The following NF2 variants were observed in gnomAD, a reference collection of about 807,000 sequenced individuals.
The protein encoded by NF2 is NF2, moesin-ezrin-radixin like (MERLIN) tumor suppressor.
A neutral mutation model predicts 83.7 loss-of-function variants in NF2; 8 were observed. The ratio of observed to expected loss-of-function variants is 0.10; its 90% confidence interval spans 0.06 to 0.17. The LOEUF (loss-of-function observed/expected upper bound fraction) is 0.17, where lower values mean the gene tolerates loss of function less well. Among genes scored for constraint, NF2 ranks in the 10% least tolerant of loss-of-function variants. The pLI is 1.00. For missense variants in NF2, 533 were observed against 744.4 expected (o/e 0.72, Z 3.31); for synonymous variants, 266 against 269.6 (o/e 0.99, Z 0.13).
intron 1 of NF2, among the ~76,000 whole-genome samples, chr22:29,605,026 G>C (rs1280293891): frequency 6.6e-6 from 1 of 152,150 alleles, no homozygotes; most frequent in Non-Finnish European, 1.5e-5. Flanking sequence ...TGTCACCGAG[G>C]CTGGCATGCA....
intron 1 of NF2, among the ~76,000 whole-genome samples, chr22:29,607,496 A>C (rs1179585206): frequency 6.6e-6 from 1 of 152,220 alleles, no homozygotes; most frequent in African/African-American, 2.4e-5. Flanking sequence ...TCACTCAAAT[A>C]ATCCAGCCAG....
intron 1 of NF2, among the ~76,000 whole-genome samples, chr22:29,605,600 C>T (rs535324511): frequency 1.3e-5 from 2 of 152,232 alleles, no homozygotes; most frequent in East Asian, 1.9e-4. Context: ...GCAGCCACCA[C>T]GCCTGGCCCA....
intron 2 of NF2, among the ~76,000 whole-genome samples, 179 bp downstream of exon 2, chr22:29,637,055 C>T (rs1408467238): frequency 1.3e-5 from 2 of 152,198 alleles, no homozygotes; most frequent in Non-Finnish European, 2.9e-5. Flanking sequence ...CTTCTCCTCA[C>T]AGGCTCTCCT....
At chr22:29,639,271 AG>A in intron 3 of NF2, 59 bp downstream of exon 3, 11 of 1,609,224 alleles carry the variant, frequency 6.8e-6, no homozygotes, top group Non-Finnish European at 9.3e-6. Flanking sequence ...GTGGTTGCAG[AG>A]TTGGCCTCAG....
chr22:29,673,625 C>A, intron 12 of NF2, 139 bp downstream of exon 12: 1 of 914,862 alleles, frequency 1.1e-6, no homozygotes, highest in Non-Finnish European at 1.7e-6. Flanking sequence ...TCCTCCTTGG[C>A]TGATGGTGAC....
chr22:29,610,189 A>G (rs553970249), intron 1 of NF2, among the ~76,000 whole-genome samples: 3 of 152,124 alleles, frequency 2.0e-5, no homozygotes, highest in South Asian at 2.1e-4. Context: ...TACATACTAT[A>G]TCTAAACTCA....
chr22:29,698,095 A>C lies in NF2; in HGVS notation c.*3293A>C. On this transcript the variant is annotated 3_prime_UTR_variant, in exon 16 of 16. Coordinates refer to ENST00000338641, the MANE Select transcript of NF2 (RefSeq NM_000268.4). ...GTAGCCGTGTGCAGCTGTGTGGCACAGATGGCTTCGTTCATCCTGATCAAG... is the reference window on the plus strand; with the variant it reads ...GTAGCCGTGTGCAGCTGTGTGGCACCGATGGCTTCGTTCATCCTGATCAAG... 1 of 230,950 alleles carries C rather than the reference A, an allele frequency of 4.3e-6. No individual in the cohort carries two copies. The highest frequency in any genetic ancestry group is 5.7e-5 in the Admixed American group (1 of 17,692). 14.3% of individuals were successfully genotyped at this position (230,950 alleles called of 1,614,324 possible).
intron 2 of NF2, among the ~76,000 whole-genome samples, chr22:29,637,703 T>C (rs1196405979): frequency 6.6e-6 from 1 of 152,062 alleles, no homozygotes; most frequent in African/African-American, 2.4e-5. Context: ...TTTTTTTTTT[T>C]TACCAGTTTG....
At chr22:29,682,896 A>T in intron 15 of NF2, 3 of 1,211,742 alleles carry the variant, frequency 2.5e-6, no homozygotes, top group Non-Finnish European at 3.6e-6. Context: ...CCAAGCCATT[A>T]AAACAAACAA....
chr22:29,668,058 T>C (rs1237171058), intron 9 of NF2, among the ~76,000 whole-genome samples: 1 of 149,870 alleles, frequency 6.7e-6, no homozygotes, highest in East Asian at 2.0e-4. Context: ...TGTAGGAGAG[T>C]AAGGTGCACC....
chr22:29,690,621 A>G (rs1377248978), intron 15 of NF2, among the ~76,000 whole-genome samples: 2 of 152,236 alleles, frequency 1.3e-5, no homozygotes, highest in African/African-American at 4.8e-5. Context: ...GAGAAAGAAA[A>G]GGAAGTTCGT....
At chr22:29,624,850 TTTCTTTC>T (rs2065314496) in intron 1 of NF2, among the ~76,000 whole-genome samples, 1 of 148,808 alleles carries the variant, frequency 6.7e-6, no homozygotes, top group South Asian at 2.1e-4. Context: ...TCTTTCTTTC[TTTCTTTC>T]TTTCTTTCTT....
Position 29,636,307 on chromosome 22 carries a change from C to G in NF2, c.115-444C>G, listed in dbSNP as rs893839807. 2.0e-5 allele frequency among the ~76,000 whole-genome samples: 3 copies of G among 152,022 alleles called. No homozygotes were observed. The highest frequency in any genetic ancestry group is 6.6e-5 in the Admixed American group (1 of 15,266). On this transcript the variant is annotated intron_variant, in intron 1 of 15. Coordinates refer to ENST00000338641, the MANE Select transcript of NF2 (RefSeq NM_000268.4). This position sits in a 1 kb window ranked among gnomAD's most constrained non-coding sequence, Gnocchi z 4.4. Reference sequence around the variant, plus strand: ...AAAAAAAACTTGTAGTAAAACCAGTCTTATTTAAAGGAATACTAGCCTTTT... The same window carrying G: ...AAAAAAAACTTGTAGTAAAACCAGTGTTATTTAAAGGAATACTAGCCTTTT...
At chr22:29,616,168 G>C (rs1322783955) in intron 1 of NF2, among the ~76,000 whole-genome samples, 3 of 152,134 alleles carry the variant, frequency 2.0e-5, no homozygotes, top group African/African-American at 7.2e-5. Context: ...GGGAAAAATG[G>C]GTGGGGTAGA....
chr22:29,643,925 C>T (rs1423432951), intron 4 of NF2, among the ~76,000 whole-genome samples: 6 of 145,282 alleles, frequency 4.1e-5, no homozygotes, highest in South Asian at 4.5e-4. Flanking sequence ...GGGGGCTGAC[C>T]CCCCAACCTC....
chr22:29,658,627 C>T (rs1294562459), intron 7 of NF2, among the ~76,000 whole-genome samples: 2 of 132,760 alleles, frequency 1.5e-5, no homozygotes, highest in African/African-American at 5.5e-5. Flanking sequence ...ACCCCCATCC[C>T]CACCCCCACC....
chr22:29,666,257 C>T (rs931052979), intron 9 of NF2, among the ~76,000 whole-genome samples: 15 of 152,108 alleles, frequency 9.9e-5, no homozygotes, highest in African/African-American at 3.6e-4. Context: ...TCTCCTGCCT[C>T]AGCCTCCTGA....
rs758722464 is a variant in NF2 at position 29,639,128 on chromosome 22, C to T, written c.279C>T (p.Thr93=). 6 of 1,614,020 alleles carry T rather than the reference C, an allele frequency of 3.7e-6. No individual in the cohort carries two copies. The highest frequency in any genetic ancestry group is 1.3e-5 in the African/African-American group (1 of 74,916). Residue 93 remains threonine (T), a synonymous_variant, in exon 3 of 16, where the codon ACC becomes ACT. Transcript: ENST00000338641. ...DHDVSKEEPV[T]FHFLAKFYPE... ...ATGTTTCAAAGGAAGAACCAGTCAC[C>T]TTTCACTTCTTGGCCAAATTTTATC...
intron 1 of NF2, among the ~76,000 whole-genome samples, chr22:29,632,743 G>A (rs531192286): frequency 6.6e-6 from 1 of 152,306 alleles, no homozygotes; most frequent in Non-Finnish European, 1.5e-5. Flanking sequence ...GACAGCCATT[G>A]TTTGCCATGT....
Sources: gnomAD v4.1 joint callset for allele counts (sites outside exome capture counted in the v4.1 genomes callset) on GRCh38, gnomAD v4.1.1 for gene constraint, Gnocchi (gnomAD v3.1) non-coding constraint, MANE v1.5 for transcripts, NCBI Gene and HGNC (gene_info 2026-07-23, HGNC 2026-07-21) for gene names.